Variants in MYRIP observed in about 807,000 individuals in gnomAD.
The protein encoded by MYRIP is rab effector MyRIP.
A neutral mutation model predicts 98.0 loss-of-function variants in MYRIP; 49 were observed. That is an observed-to-expected ratio of 0.50 (90% CI 0.40 to 0.63). MYRIP has a LOEUF of 0.63. Ranked by LOEUF, MYRIP falls within the 30% of genes least tolerant of loss-of-function variation. MYRIP has a pLI of 0.00. For synonymous variants in MYRIP, 404 were observed against 409.5 expected (o/e 0.99, Z 0.16); for missense variants, 1,004 against 1,058.2 (o/e 0.95, Z 0.71).
chr3:40,194,137 C>T (rs1053960795), intron 10 of MYRIP, among the ~76,000 whole-genome samples: 1 of 151,876 alleles, frequency 6.6e-6, no homozygotes, highest in African/African-American at 2.4e-5. Context: ...TGTCTTAAGG[C>T]CTTAAATTTG....
chr3:39,895,901 C>CGTGT (rs1299267281), intron 1 of MYRIP, among the ~76,000 whole-genome samples: 1 of 133,176 alleles, frequency 7.5e-6, no homozygotes, highest in African/African-American at 3.2e-5. Flanking sequence ...GAGAAAAACT[C>CGTGT]GTGTGTGTGT....
intron 3 of MYRIP, among the ~76,000 whole-genome samples, chr3:40,082,144 T>C (rs977780081): frequency 6.6e-6 from 1 of 152,226 alleles, no homozygotes; most frequent in Non-Finnish European, 1.5e-5. Flanking sequence ...TACACTGTTG[T>C]TGAGAATGTA....
intron 3 of MYRIP, among the ~76,000 whole-genome samples, chr3:40,112,916 T>A (rs1238796846): frequency 2.0e-5 from 3 of 152,184 alleles, no homozygotes; most frequent in Non-Finnish European, 4.4e-5. Flanking sequence ...CAGAAACTAT[T>A]AAAATCTATT....
intron 9 of MYRIP, among the ~76,000 whole-genome samples, chr3:40,186,506 G>A (rs1413838101): frequency 6.6e-6 from 1 of 152,174 alleles, no homozygotes; most frequent in Non-Finnish European, 1.5e-5. Context: ...CTGGGAGCCA[G>A]TGTAGAAGAC....
chr3:40,089,330 G>A (rs999712482), intron 3 of MYRIP, among the ~76,000 whole-genome samples: 1 of 152,170 alleles, frequency 6.6e-6, no homozygotes, highest in African/African-American at 2.4e-5. Context: ...CTTGCATTGT[G>A]TTATTTTAAA....
At chr3:39,923,775 C>T (rs1944356136) in intron 2 of MYRIP, among the ~76,000 whole-genome samples, 1 of 152,028 alleles carries the variant, frequency 6.6e-6, no homozygotes, top group African/African-American at 2.4e-5. Context: ...TTATGTTTCA[C>T]AGTTGAAGCA....
intron 2 of MYRIP, among the ~76,000 whole-genome samples, chr3:39,973,814 G>A (rs6774459): frequency 0.28 from 41,814 of 152,022 alleles, 6,437 homozygotes; most frequent in Non-Finnish European, 0.35. Context: ...GGTACATAAC[G>A]AAATGAAGGC....
chr3:39,822,483 T>A (rs1941132776), intron 1 of MYRIP, among the ~76,000 whole-genome samples: 1 of 152,046 alleles, frequency 6.6e-6, no homozygotes, highest in Non-Finnish European at 1.5e-5. Flanking sequence ...TTTTTTCTCA[T>A]CAGCTCTCAT....
At chr3:39,908,571 C>A (rs983876874) in intron 2 of MYRIP, among the ~76,000 whole-genome samples, 1 of 152,068 alleles carries the variant, frequency 6.6e-6, no homozygotes, top group African/African-American at 2.4e-5. Flanking sequence ...ACAGAGACTC[C>A]TCTGAGGATT....
rs547980122 is a variant in MYRIP at position 40,018,536 on chromosome 3, GGTCCCTCATTTCCT to G, written c.111-25497_111-25484del. Among the ~76,000 whole-genome samples the G allele has an allele frequency of 8.6e-3, 1,315 of 152,132 alleles. 12 individuals are homozygous for G. Among genetic ancestry groups the G allele is most frequent in the Non-Finnish European group, 0.014 (937 of 68,016 alleles). ...AGACCAAAGACATGAGTGGTCTTTT[GGTCCCTCATTTCCT>G]GTCCCTCATTTCCTGTATCCCAGGC... On this transcript the variant is annotated intron_variant, in intron 2 of 16. Transcript: ENST00000302541.
intron 12 of MYRIP, among the ~76,000 whole-genome samples, 167 bp from the exon 13 acceptor site, chr3:40,244,279 A>T (rs1953114456): frequency 6.6e-6 from 1 of 152,216 alleles, no homozygotes; most frequent in Admixed American, 6.5e-5. Flanking sequence ...TCAAGACCTC[A>T]CACATTTAAG....
Position 39,895,248 on chromosome 3 carries a change from G to A in MYRIP, c.-30-5539G>A, listed in dbSNP as rs533631392. Among the ~76,000 whole-genome samples the A allele has an allele frequency of 4.6e-5, 7 of 151,414 alleles. No homozygotes were observed. The South Asian group carries it at 8.4e-4, about 18-fold the overall frequency. On this transcript the variant is annotated intron_variant, in intron 1 of 16. Coordinates refer to ENST00000302541, the MANE Select transcript of MYRIP (RefSeq NM_015460.4). ...GTCGCCCAGGCTGAAGTGCAGTGGC[G>A]CGATCTCGGCTTACTGCAACCTTCG...
At chr3:39,851,757 C>T (rs557827169) in intron 1 of MYRIP, among the ~76,000 whole-genome samples, 9 of 152,274 alleles carry the variant, frequency 5.9e-5, no homozygotes, top group Admixed American at 2.6e-4. Context: ...TTGCCTAAGA[C>T]AGCATGAGCT....
intron 9 of MYRIP, among the ~76,000 whole-genome samples, chr3:40,185,191 G>T (rs1186430836): frequency 6.6e-6 from 1 of 152,186 alleles, no homozygotes; most frequent in Admixed American, 6.5e-5. Context: ...TCAGGAGCCT[G>T]TTCGTGCACA....
intron 2 of MYRIP, among the ~76,000 whole-genome samples, chr3:39,952,412 T>G (rs574994524): frequency 1.3e-5 from 2 of 152,288 alleles, no homozygotes; most frequent in East Asian, 3.9e-4. Flanking sequence ...GTGACATGCT[T>G]TTTCTGTATC....
intron 1 of MYRIP, among the ~76,000 whole-genome samples, chr3:39,846,940 G>A (rs1262878272): frequency 1.3e-5 from 2 of 152,130 alleles, no homozygotes; most frequent in Non-Finnish European, 2.9e-5. Context: ...CAGTCTGCTG[G>A]AGAATCCTCT....
At chr3:40,033,741 C>G (rs1432837485) in intron 2 of MYRIP, among the ~76,000 whole-genome samples, 2 of 151,950 alleles carry the variant, frequency 1.3e-5, no homozygotes, top group Admixed American at 1.3e-4. Context: ...CATATGGAAC[C>G]AAAAAAGAGG....
At position 40,218,626 on chromosome 3, in the gene MYRIP, A is replaced by ATATATATATATTT. The variant is rs1377715135; in HGVS notation, c.1905+8544_1905+8545insTTTATATATATAT. On this transcript the variant is annotated intron_variant, in intron 11 of 16. Coordinates refer to ENST00000302541, the MANE Select transcript of MYRIP (RefSeq NM_015460.4). ...ATATATATATTTTATATATATATAT[A>ATATATATATATTT]TATATATATATATATATATATATAT... is the stretch of plus-strand genomic sequence containing the variant. 7.8e-3 allele frequency among the ~76,000 whole-genome samples: 116 copies of ATATATATATATTT among 14,818 alleles called. 1 individual carries two copies. The highest frequency in any genetic ancestry group is 0.012 in the African/African-American group (110 of 9,254). 9.7% of individuals were successfully genotyped at this position (14,818 alleles called of 152,430 possible). A position where few individuals can be genotyped will look rare whatever the true frequency, so the allele number is the denominator to read the frequency against.
At chr3:40,041,311 T>C (rs369804033) in intron 2 of MYRIP, among the ~76,000 whole-genome samples, 2 of 109,244 alleles carry the variant, frequency 1.8e-5, no homozygotes, top group East Asian at 4.9e-4. Context: ...CACAAATTAC[T>C]TGTAAATTAC....
Sources: allele counts gnomAD v4.1 joint callset (sites outside exome capture counted in the v4.1 genomes callset), GRCh38; gene constraint gnomAD v4.1.1; transcripts MANE v1.5; gene names NCBI Gene and HGNC (gene_info 2026-07-23, HGNC 2026-07-21).